Variants in MICU1 observed in about 807,000 individuals in gnomAD.
The protein encoded by MICU1 is mitochondrial calcium uptake 1.
A neutral mutation model predicts 56.8 loss-of-function variants in MICU1; 45 were observed. The observed-to-expected ratio is 0.79, with a 90% CI of 0.62 to 1.02. MICU1 has a LOEUF of 1.02. Among genes scored for constraint, MICU1 ranks in the 50% least tolerant of loss-of-function variants. The probability of loss-of-function intolerance (pLI) is 0.00; values close to 1 mark genes in which losing one functional copy is unlikely to be tolerated. For synonymous variants in MICU1, 186 were observed against 195.1 expected, an observed-to-expected ratio of 0.95 and a Z score of 0.39; for missense variants, 504 against 587.1, an observed-to-expected ratio of 0.86 and a Z score of 1.46.
At chr10:72,578,900 C>T (rs1320782698) in intron 1 of MICU1, among the ~76,000 whole-genome samples, 1 of 152,200 alleles carries the variant, frequency 6.6e-6, no homozygotes, top group Non-Finnish European at 1.5e-5. Flanking sequence ...TCACCGCGCC[C>T]AGCCTGTTTT....
chr10:72,575,619 T>C (rs112133847), intron 1 of MICU1, among the ~76,000 whole-genome samples: 1 of 152,336 alleles, frequency 6.6e-6, no homozygotes, highest in African/African-American at 2.4e-5. Flanking sequence ...TATTTCCAAC[T>C]TTTTCATTAT....
intron 8 of MICU1, among the ~76,000 whole-genome samples, chr10:72,466,017 C>T (rs1182322321): frequency 2.0e-5 from 3 of 152,056 alleles, no homozygotes; most frequent in African/African-American, 7.2e-5. Flanking sequence ...TTTTCCATTC[C>T]TTATTAAGTT....
chr10:72,372,041 G>A (rs1355021136), intron 11 of MICU1, among the ~76,000 whole-genome samples: 1 of 149,986 alleles, frequency 6.7e-6, no homozygotes, highest in Non-Finnish European at 1.5e-5. Context: ...GGGCAACAGA[G>A]CAAGATGCTG....
intron 8 of MICU1, among the ~76,000 whole-genome samples, chr10:72,465,765 C>T (rs1365559443): frequency 1.3e-5 from 2 of 151,686 alleles, no homozygotes; most frequent in East Asian, 1.9e-4. Flanking sequence ...CTGCCTGCCT[C>T]GGCCTCCCAA....
At chr10:72,453,462 A>G (rs1865357838) in intron 8 of MICU1, among the ~76,000 whole-genome samples, 1 of 150,932 alleles carries the variant, frequency 6.6e-6, no homozygotes, top group Non-Finnish European at 1.5e-5. Context: ...AGATCAGTAA[A>G]CCAAGCAGTA....
chr10:72,619,635 T>C (rs1842056580), intron 1 of MICU1, among the ~76,000 whole-genome samples: 3 of 152,182 alleles, frequency 2.0e-5, no homozygotes. Flanking sequence ...CTCCACAAAG[T>C]GAGAAGACTA....
chr10:72,574,024 CCT>C (rs1260327667), intron 1 of MICU1, among the ~76,000 whole-genome samples: 2 of 152,066 alleles, frequency 1.3e-5, no homozygotes, highest in African/African-American at 4.8e-5. Flanking sequence ...TGATTTACCC[CCT>C]TATATTTCTG....
chr10:72,510,841 A>G (rs1437049730), intron 5 of MICU1, among the ~76,000 whole-genome samples: 1 of 152,150 alleles, frequency 6.6e-6, no homozygotes, highest in Non-Finnish European at 1.5e-5. Flanking sequence ...CATGTTGGCC[A>G]GGCTGGTCTT....
At chr10:72,546,088 G>C (rs1839887026) in intron 4 of MICU1, among the ~76,000 whole-genome samples, 1 of 152,154 alleles carries the variant, frequency 6.6e-6, no homozygotes, top group Non-Finnish European at 1.5e-5. Context: ...CTAAGGGGAG[G>C]GGTCCATTCA....
intron 11 of MICU1, among the ~76,000 whole-genome samples, 161 bp from the exon 12 acceptor site, chr10:72,368,516 G>A (rs918674397): frequency 6.6e-6 from 1 of 152,108 alleles, no homozygotes; most frequent in African/African-American, 2.4e-5. Context: ...TTCCTTCCTC[G>A]ATATTTCCAA....
At chr10:72,529,399 C>T (rs931187016) in intron 5 of MICU1, among the ~76,000 whole-genome samples, 1 of 152,054 alleles carries the variant, frequency 6.6e-6, no homozygotes, top group African/African-American at 2.4e-5. Context: ...CAATTGGTTT[C>T]AATAGACAAT....
intron 6 of MICU1, among the ~76,000 whole-genome samples, chr10:72,496,668 T>C (rs759532061): frequency 3.3e-5 from 5 of 152,162 alleles, no homozygotes; most frequent in Non-Finnish European, 5.9e-5. Flanking sequence ...ACACTTGACC[T>C]CAGGTGATCC....
At chr10:72,383,035 A>C (rs1862768432) in intron 10 of MICU1, among the ~76,000 whole-genome samples, 1 of 152,198 alleles carries the variant, frequency 6.6e-6, no homozygotes, top group South Asian at 2.1e-4. Context: ...TGGGAGGCCA[A>C]GAATGAGACC....
intron 1 of MICU1, among the ~76,000 whole-genome samples, chr10:72,581,749 A>G (rs1362530429): frequency 6.6e-6 from 1 of 152,200 alleles, no homozygotes; most frequent in Non-Finnish European, 1.5e-5. Flanking sequence ...TGACCAGTAA[A>G]AGCCTTCTTC....
intron 1 of MICU1, among the ~76,000 whole-genome samples, chr10:72,625,528 G>A (rs1564518396): frequency 6.6e-6 from 1 of 152,200 alleles, no homozygotes; most frequent in East Asian, 1.9e-4. Context: ...CGAGTAGCCT[G>A]CACTTTGTAT....
At chr10:72,391,768 T>C (rs1260178344) in intron 10 of MICU1, among the ~76,000 whole-genome samples, 1 of 152,212 alleles carries the variant, frequency 6.6e-6, no homozygotes, top group African/African-American at 2.4e-5. Flanking sequence ...AGGAAAAATG[T>C]ATGTAGTGAA....
At chr10:72,474,422 GAATA>G (rs1418336534) in intron 8 of MICU1, among the ~76,000 whole-genome samples, 3 of 152,120 alleles carry the variant, frequency 2.0e-5, no homozygotes, top group Non-Finnish European at 2.9e-5. Context: ...GAATGGAACA[GAATA>G]AATAGCTAGA....
At chr10:72,584,321 A>G (rs1840985232) in intron 1 of MICU1, among the ~76,000 whole-genome samples, 1 of 152,212 alleles carries the variant, frequency 6.6e-6, no homozygotes, top group Non-Finnish European at 1.5e-5. Flanking sequence ...AACTGCACAG[A>G]AAAACAAAAT....
At chr10:72,396,535 GA>G (rs1270100690) in intron 10 of MICU1, among the ~76,000 whole-genome samples, 1 of 152,096 alleles carries the variant, frequency 6.6e-6, no homozygotes, top group Non-Finnish European at 1.5e-5. Context: ...TAAAAACCTT[GA>G]AAAAAGATTA....
Sources: gnomAD v4.1 joint callset for allele counts (sites outside exome capture counted in the v4.1 genomes callset) on GRCh38, gnomAD v4.1.1 for gene constraint, MANE v1.5 for transcripts, NCBI Gene and HGNC (gene_info 2026-07-23, HGNC 2026-07-21) for gene names.